AP2A1: variants seen among roughly 807,000 people sequenced by gnomAD.
The protein encoded by AP2A1 is AP-2 complex subunit alpha-1.
In AP2A1, 21 loss-of-function variants were observed where a neutral mutation model predicts 107.3. The ratio of observed to expected loss-of-function variants is 0.20; its 90% CI spans 0.14 to 0.28. AP2A1 has a LOEUF of 0.28. AP2A1 is among the 10% of genes least tolerant of loss of function. The pLI is 1.00. For missense variants in AP2A1, 873 were observed against 1,307.7 expected (o/e 0.67, Z 5.13); for synonymous variants, 602 against 564.8 (o/e 1.07, Z -0.93).
chr19:49,793,169 C>G lies in AP2A1; in HGVS notation c.705+77C>G, dbSNP rs146580579. The G allele has an allele frequency of 1.5e-3, 2,035 of 1,338,648 alleles. 3 individuals are homozygous for G. The highest frequency in any genetic ancestry group is 3.1e-3 in the Middle Eastern group (17 of 5,548). 82.9% of individuals were successfully genotyped at this position (1,338,648 alleles called of 1,614,324 possible). A position where few individuals can be genotyped will look rare whatever the true frequency, so the allele number is the denominator to read the frequency against. ...CCCTCTGACACCCCTCAGGCCCCCA[C>G]TCTCCCTGAGAGGCAGCCCAGCCCA... is the stretch of plus-strand genomic sequence containing the variant. On this transcript the variant is annotated intron_variant, in intron 6 of 22. Coordinates refer to ENST00000354293, the MANE Select transcript of AP2A1 (RefSeq NM_130787.3).
At chr19:49,801,940 C>T (rs1220192428) in intron 14 of AP2A1, 41 bp from the exon 15 acceptor site, 3 of 1,458,034 alleles carry the variant, frequency 2.1e-6, no homozygotes, top group African/African-American at 1.4e-5. Flanking sequence ...TGGGTCCTGC[C>T]GGGCGCCGCC....
Position 49,805,873 on chromosome 19 carries a change from C to A in AP2A1, c.2587C>A (p.Pro863Thr), listed in dbSNP as rs769967275. 2 of 1,613,784 alleles carry A rather than the reference C, an allele frequency of 1.2e-6. No homozygotes were observed. The highest frequency in any genetic ancestry group is 1.1e-5 in the South Asian group (1 of 91,084). Residue 863 changes from proline (P) to threonine (T), a missense_variant and splice_region_variant, in exon 21 of 23, where the codon CCT becomes ACT. Physicochemically the swap from Pro to Thr is conservative, Grantham distance 38 (BLOSUM62 -1). Coordinates refer to ENST00000354293, the MANE Select transcript of AP2A1 (RefSeq NM_130787.3). ...FFQRWKQLSL[P>T]QQEAQKIFKA... ...GACTTGAACCTTCCCGGTCCCCAGC[C>A]CTCAACAGGAGGCGCAGAAAATCTT... is the stretch of plus-strand genomic sequence containing the variant.
chr19:49,784,888 C>CA (rs2084719202), intron 4 of AP2A1, among the ~76,000 whole-genome samples: 1 of 151,928 alleles, frequency 6.6e-6, no homozygotes, highest in Admixed American at 6.6e-5. Context: ...CAAAAAAAAC[C>CA]AAAAAACAAA....
At chr19:49,791,873 G>A (rs1206286688) in intron 4 of AP2A1, 62 bp from the exon 5 acceptor site, 2 of 1,530,314 alleles carry the variant, frequency 1.3e-6, no homozygotes, top group African/African-American at 1.4e-5. Flanking sequence ...GGAGAGGAGG[G>A]GAGGTGTGCA....
At chr19:49,767,347 G>A (rs2084513178) in intron 1 of AP2A1, 147 bp downstream of exon 1, 1 of 1,018,054 alleles carries the variant, frequency 9.8e-7, no homozygotes, top group Non-Finnish European at 1.4e-6. Context: ...AAGAACTTTA[G>A]AGTGGGGGGC....
intron 4 of AP2A1, among the ~76,000 whole-genome samples, chr19:49,790,154 C>CCTCTA (rs1232908861): frequency 6.6e-6 from 1 of 152,172 alleles, no homozygotes; most frequent in Non-Finnish European, 1.5e-5. Flanking sequence ...TCGTCCCTTC[C>CCTCTA]GGGGGCCCTA....
At chr19:49,769,656 A>G (rs924747206) in intron 1 of AP2A1, among the ~76,000 whole-genome samples, 115 of 152,276 alleles carry the variant, frequency 7.6e-4, no homozygotes, top group African/African-American at 2.6e-3. Context: ...TTTCTGGGCC[A>G]TGGTGAGCAC....
chr19:49,797,732 A>C (rs1222887826), intron 7 of AP2A1, among the ~76,000 whole-genome samples: 1 of 152,078 alleles, frequency 6.6e-6, no homozygotes, highest in Non-Finnish European at 1.5e-5. Context: ...TCTCAAAAAA[A>C]AATAAAAAAA....
chr19:49,798,995 A>G (rs1267683469), intron 8 of AP2A1, 43 bp downstream of exon 8: 2 of 1,550,354 alleles, frequency 1.3e-6, no homozygotes, highest in East Asian at 2.4e-5. Flanking sequence ...TGGGGCCAGG[A>G]AAGAGGGGCA....
At chr19:49,792,855 C>T (rs2073163879) in intron 5 of AP2A1, 136 bp from the exon 6 acceptor site, 4 of 760,038 alleles carry the variant, frequency 5.3e-6, no homozygotes, top group Non-Finnish European at 8.6e-6. Context: ...AAAGCACGCA[C>T]AGTGACACAT....
Position 49,781,933 on chromosome 19 carries a change from T to C in AP2A1, c.137-14T>C. ...CTTATTTCTGGCTCCCCTTTCCTCC[T>C]TCCTCTGCCCTAGGAGACAAAGCCT... On this transcript the variant is annotated splice_polypyrimidine_tract_variant and intron_variant, in intron 2 of 22. Coordinates refer to ENST00000354293, the MANE Select transcript of AP2A1 (RefSeq NM_130787.3). 1 of 1,611,838 alleles carries C rather than the reference T, an allele frequency of 6.2e-7. No individual in the cohort carries two copies. Among genetic ancestry groups the C allele is most frequent in the Non-Finnish European group, 8.5e-7 (1 of 1,178,978 alleles).
rs760078064 is a variant in AP2A1 at position 49,803,197 on chromosome 19, C to T, written c.2254+8C>T. 24 of 1,613,878 alleles carry T rather than the reference C, an allele frequency of 1.5e-5. No individual in the cohort carries two copies. The South Asian group carries it at 2.6e-4, about 18-fold the overall frequency. On this transcript the variant is annotated splice_region_variant and intron_variant, in intron 17 of 22. Transcript: ENST00000354293. ...AGTTCCGACAGAACCTGGGTGTGTCCCGGGGGACTGTGGGAATGGGTCGGA... is the reference window on the plus strand; with the variant it reads ...AGTTCCGACAGAACCTGGGTGTGTCTCGGGGGACTGTGGGAATGGGTCGGA...
intron 4 of AP2A1, 190 bp from the exon 5 acceptor site, chr19:49,791,745 T>C (rs1461051721): frequency 1.8e-5 from 11 of 611,310 alleles, no homozygotes; most frequent in Non-Finnish European, 2.8e-5. Flanking sequence ...ATGCAATCAT[T>C]TTGCAGATGA....
chr19:49,778,312 G>T (rs1174006521), intron 1 of AP2A1, among the ~76,000 whole-genome samples: 2 of 152,200 alleles, frequency 1.3e-5, no homozygotes, highest in East Asian at 3.8e-4. Flanking sequence ...GCCAGGCGTG[G>T]TGGCTTACAC....
chr19:49,775,245 A>G (rs568208067), intron 1 of AP2A1, among the ~76,000 whole-genome samples: 44 of 152,296 alleles, frequency 2.9e-4, no homozygotes, highest in African/African-American at 1.0e-3. Context: ...TTTTTAAAAA[A>G]GCAAAATAAT....
intron 6 of AP2A1, among the ~76,000 whole-genome samples, chr19:49,795,093 A>T (rs190205749): frequency 6.6e-6 from 1 of 152,190 alleles, no homozygotes; most frequent in Non-Finnish European, 1.5e-5. Context: ...CAAGCCTTGT[A>T]GGGGGACTAC....
At chr19:49,779,709 C>T (rs1042639435) in intron 1 of AP2A1, among the ~76,000 whole-genome samples, 2 of 152,216 alleles carry the variant, frequency 1.3e-5, no homozygotes, top group Non-Finnish European at 2.9e-5. Context: ...TGAGCCACCA[C>T]GCCTAGCCCC....
Position 49,802,390 on chromosome 19 carries a change from C to T in AP2A1, c.2114+249C>T, listed in dbSNP as rs569142457. Reference sequence around the variant, plus strand: ...TGTCTCCTTTCCTGTCACCGTTTCTCAGCCTGCTCTTCCTTTTCTCCTTCT... The same window carrying T: ...TGTCTCCTTTCCTGTCACCGTTTCTTAGCCTGCTCTTCCTTTTCTCCTTCT... On this transcript the variant is annotated intron_variant, in intron 15 of 22. Transcript: ENST00000354293. 8 of 959,738 alleles carry T rather than the reference C, an allele frequency of 8.3e-6. No homozygotes were observed. In the East Asian group the frequency reaches 1.3e-4, roughly 16 times the overall value. The allele number at this position is 959,738 out of a possible 1,614,324, so 59.5% of individuals were successfully genotyped here. A position where few individuals can be genotyped will look rare whatever the true frequency, so the allele number is the denominator to read the frequency against.
rs535829996 is a variant in AP2A1 at position 49,788,419 on chromosome 19, G to A, written c.474-3516G>A. On this transcript the variant is annotated intron_variant, in intron 4 of 22. Coordinates refer to ENST00000354293, the MANE Select transcript of AP2A1 (RefSeq NM_130787.3). The surrounding 1 kb of genome is among the most constrained non-coding windows in gnomAD (Gnocchi z 4.5). Reference sequence around the variant, plus strand: ...AGATGATAGAATCCGCGTCCTTAGAGGGCTGTGGTGGGGAGCGAGCGAGCT... The same window carrying A: ...AGATGATAGAATCCGCGTCCTTAGAAGGCTGTGGTGGGGAGCGAGCGAGCT... Among the ~76,000 whole-genome samples the A allele has an allele frequency of 4.9e-4, 74 of 152,338 alleles. No homozygotes were observed. Among genetic ancestry groups the A allele is most frequent in the South Asian group, 1.0e-3 (5 of 4,830 alleles).
Sources: gnomAD v4.1 joint callset for allele counts (sites outside exome capture counted in the v4.1 genomes callset) on GRCh38, gnomAD v4.1.1 for gene constraint, Gnocchi (gnomAD v3.1) non-coding constraint, MANE v1.5 for transcripts, NCBI Gene and HGNC (gene_info 2026-07-23, HGNC 2026-07-21) for gene names.